Variants in FRMD4A observed in about 807,000 individuals in gnomAD.
FRMD4A encodes FERM domain containing 4A, also known as FERM domain-containing protein 4A.
Under a neutral mutation model 129.1 loss-of-function variants are expected in FRMD4A, and 29 were observed. The observed-to-expected ratio is 0.22, with a 90% CI of 0.17 to 0.31. The LOEUF (loss-of-function observed/expected upper bound fraction) is 0.31, where lower values mean the gene tolerates loss of function less well. Among genes scored for constraint, FRMD4A ranks in the 10% least tolerant of loss-of-function variants. FRMD4A has a pLI of 1.00. For synonymous variants in FRMD4A, 634 were observed against 571.6 expected (o/e 1.11, Z -1.56); for missense variants, 1,272 against 1,375.8 (o/e 0.92, Z 1.19).
chr10:14,164,016 A>G lies in FRMD4A; in HGVS notation c.45+166042T>C, dbSNP rs143389728. Among the ~76,000 whole-genome samples, 173 of 152,116 alleles carry G rather than the reference A, an allele frequency of 1.1e-3. 2 individuals are homozygous for G. The highest frequency in any genetic ancestry group is 2.6e-4 in the Non-Finnish European group (18 of 68,000). ...CCTAGATGAGGCCAATGGCCCGTGT[A>G]TTTTCTCATTCCTCAGGGCCATCCA... On this transcript the variant is annotated intron_variant, in intron 2 of 24. Transcript: ENST00000357447.
At chr10:13,907,859 C>T (rs2094898176) in intron 2 of FRMD4A, among the ~76,000 whole-genome samples, 1 of 10,400 alleles carries the variant, frequency 9.6e-5, no homozygotes. Flanking sequence ...TTTAAAGTCA[C>T]TTAAAAAAAA....
chr10:14,106,475 T>C (rs1160514125), intron 2 of FRMD4A, among the ~76,000 whole-genome samples: 1 of 152,208 alleles, frequency 6.6e-6, no homozygotes, highest in Non-Finnish European at 1.5e-5. Flanking sequence ...GATACAAAAT[T>C]GGGACATTTA....
intron 2 of FRMD4A, among the ~76,000 whole-genome samples, chr10:14,295,631 A>G (rs1213079413): frequency 6.6e-6 from 1 of 152,112 alleles, no homozygotes; most frequent in East Asian, 1.9e-4. Flanking sequence ...GGACATGGTG[A>G]GAGGAGATGA....
chr10:13,813,843 G>A (rs962388103), intron 3 of FRMD4A, among the ~76,000 whole-genome samples: 1 of 152,218 alleles, frequency 6.6e-6, no homozygotes, highest in Non-Finnish European at 1.5e-5. Flanking sequence ...AAAGTACATT[G>A]CTTTTGCACC....
chr10:13,899,646 G>A (rs1425061378), intron 2 of FRMD4A, among the ~76,000 whole-genome samples: 4 of 152,196 alleles, frequency 2.6e-5, no homozygotes, highest in Non-Finnish European at 4.4e-5. Flanking sequence ...CTGGGTGCCA[G>A]AGCGAGACCC....
chr10:13,991,014 A>G (rs547935454), intron 2 of FRMD4A, among the ~76,000 whole-genome samples: 2 of 152,340 alleles, frequency 1.3e-5, no homozygotes, highest in South Asian at 4.1e-4. Flanking sequence ...ATTCGGAGCC[A>G]GAATCCCTAA....
rs376187231 is a variant in FRMD4A at position 13,931,951 on chromosome 10, A to AAACCAACCAACC, written c.46-73051_46-73040dup. Among the ~76,000 whole-genome samples the AAACCAACCAACC allele has an allele frequency of 4.8e-3, 536 of 111,460 alleles. 4 individuals carry two copies. Among genetic ancestry groups the AAACCAACCAACC allele is most frequent in the African/African-American group, 0.017 (465 of 27,292 alleles). The allele number at this position is 111,460 out of a possible 152,430, so 73.1% of individuals were successfully genotyped here. A position where few individuals can be genotyped will look rare whatever the true frequency, so the allele number is the denominator to read the frequency against. ...GCAATAGAGCAAGACTCTGTCTCAA[A>AAACCAACCAACC]AACCAACCAACCAACCAACCAACCA... On this transcript the variant is annotated intron_variant, in intron 2 of 24. Coordinates refer to ENST00000357447, the MANE Select transcript of FRMD4A (RefSeq NM_018027.5).
intron 2 of FRMD4A, among the ~76,000 whole-genome samples, chr10:14,091,966 T>C (rs1043341654): frequency 6.6e-6 from 1 of 152,204 alleles, no homozygotes; most frequent in Non-Finnish European, 1.5e-5. Context: ...AACTGTCCAC[T>C]ACATATAGAA....
At chr10:14,069,507 G>A (rs2131713872) in intron 2 of FRMD4A, among the ~76,000 whole-genome samples, 1 of 152,278 alleles carries the variant, frequency 6.6e-6, no homozygotes, top group South Asian at 2.1e-4. Flanking sequence ...CCCAAACACT[G>A]CTCTGGGGAG....
intron 2 of FRMD4A, among the ~76,000 whole-genome samples, chr10:14,113,762 G>A (rs1439459922): frequency 6.6e-6 from 1 of 152,116 alleles, no homozygotes; most frequent in Non-Finnish European, 1.5e-5. Context: ...ATTTGGAAAT[G>A]CATGAGTGTG....
chr10:13,701,760 A>T (rs1241846035), intron 13 of FRMD4A, among the ~76,000 whole-genome samples: 1 of 152,190 alleles, frequency 6.6e-6, no homozygotes, highest in East Asian at 1.9e-4. Flanking sequence ...ATTCTAGGTC[A>T]ATGGATGGTC....
At chr10:14,059,730 G>C (rs563817604) in intron 2 of FRMD4A, among the ~76,000 whole-genome samples, 3 of 152,204 alleles carry the variant, frequency 2.0e-5, no homozygotes, top group African/African-American at 7.2e-5. Context: ...CTCAATAACG[G>C]AAGCTTCTCA....
intron 2 of FRMD4A, among the ~76,000 whole-genome samples, chr10:14,023,332 TAAAG>T (rs1832845348): frequency 6.7e-6 from 1 of 149,526 alleles, no homozygotes; most frequent in Non-Finnish European, 1.5e-5. Context: ...TTTAAATTAA[TAAAG>T]AAAAAAAAAA....
At chr10:13,717,488 AT>A (rs1439919410) in intron 12 of FRMD4A, among the ~76,000 whole-genome samples, 4 of 151,858 alleles carry the variant, frequency 2.6e-5, no homozygotes, top group Admixed American at 2.6e-4. Context: ...TAATTTTTGT[AT>A]TTTTAGTAGA....
At chr10:13,859,995 G>T (rs919825461) in intron 2 of FRMD4A, among the ~76,000 whole-genome samples, 1 of 152,176 alleles carries the variant, frequency 6.6e-6, no homozygotes, top group African/African-American at 2.4e-5. Flanking sequence ...AGCCCAGTGG[G>T]GTGCTGGTGA....
At chr10:13,688,203 A>G (rs541075579) in intron 15 of FRMD4A, among the ~76,000 whole-genome samples, 135 of 152,324 alleles carry the variant, frequency 8.9e-4, no homozygotes, top group Middle Eastern at 6.8e-3. Context: ...ACCATGGAAT[A>G]CTATGCAGCC....
intron 2 of FRMD4A, among the ~76,000 whole-genome samples, chr10:14,090,392 G>T (rs113590240): frequency 2.6e-4 from 40 of 152,190 alleles, no homozygotes; most frequent in African/African-American, 9.4e-4. Context: ...CAAGGCAGAC[G>T]CTGTAAAAGG....
intron 12 of FRMD4A, among the ~76,000 whole-genome samples, chr10:13,716,108 T>C (rs1228188199): frequency 2.0e-5 from 3 of 152,252 alleles, no homozygotes; most frequent in Non-Finnish European, 4.4e-5. Context: ...TTCTGTGAAA[T>C]TGGATTGTTT....
In FRMD4A at chr10:13,670,513, G is replaced by C. The variant is rs367681469; in HGVS notation, c.1267C>G (p.Leu423Val). The change falls in exon 17 of 25, where the codon CTG becomes GTG. Residue 423 changes from leucine to valine, a missense_variant. Transcript: ENST00000357447. ...CLREAELTGK[L>V]PVEYPLDPGE... ...GGATCCAGGGGATATTCTACTGGCAGCTTGCCCGTGAGCTCCTGCATATGT... is the reference window on the plus strand; with the variant it reads ...GGATCCAGGGGATATTCTACTGGCACCTTGCCCGTGAGCTCCTGCATATGT... The C allele has an allele frequency of 1.9e-6, 3 of 1,613,048 alleles. No individual in the cohort carries two copies. The highest frequency in any genetic ancestry group is 2.5e-6 in the Non-Finnish European group (3 of 1,179,342).
Sources: gnomAD v4.1 joint callset for allele counts (sites outside exome capture counted in the v4.1 genomes callset) on GRCh38, gnomAD v4.1.1 for gene constraint, MANE v1.5 for transcripts, NCBI Gene and HGNC (gene_info 2026-07-23, HGNC 2026-07-21) for gene names.